The following SLC12A3 variants were observed in gnomAD, a reference collection of about 807,000 sequenced individuals.
SLC12A3 encodes Na-Cl cotransporter.
In SLC12A3, 104 loss-of-function variants were observed where a neutral mutation model predicts 121.0. The ratio of observed to expected loss-of-function variants is 0.86; its 90% CI spans 0.73 to 1.01. The LOEUF is 1.01. Ranked by LOEUF, SLC12A3 falls within the 50% of genes least tolerant of loss-of-function variation. SLC12A3 has a pLI of 0.00. For missense variants in SLC12A3, 1,328 were observed against 1,356.3 expected (o/e 0.98, Z 0.33); for synonymous variants, 536 against 533.4 (o/e 1.00, Z -0.07).
chr16:56,876,469 C>A (rs565714258), intron 8 of SLC12A3, among the ~76,000 whole-genome samples: 2 of 152,310 alleles, frequency 1.3e-5, no homozygotes, highest in East Asian at 3.9e-4. Flanking sequence ...CAGGTCCATG[C>A]CTGCAGGGGC....
chr16:56,892,166 T>G, intron 20 of SLC12A3, 33 bp downstream of exon 20: 7 of 1,610,386 alleles, frequency 4.3e-6, no homozygotes, highest in Non-Finnish European at 5.9e-6. Context: ...CGCTTGTCAG[T>G]GTTCCCACTC....
rs1296703170 is a variant in SLC12A3 at position 56,914,601 on chromosome 16, G to C, written c.*1196G>C. On this transcript the variant is annotated 3_prime_UTR_variant, in exon 26 of 26. Transcript: ENST00000563236. ...GCTGAGCTGGGGAAAGGCCACGGCT[G>C]GGTGTCATTGCCATTTTCCCAGCTC... is the stretch of plus-strand genomic sequence containing the variant. 2 of 152,234 alleles carry C rather than the reference G, an allele frequency of 1.3e-5. No homozygotes were observed. Among genetic ancestry groups the C allele is most frequent in the Admixed American group, 1.3e-4 (2 of 15,276 alleles). 9.4% of individuals were successfully genotyped at this position (152,234 alleles called of 1,614,324 possible). A position where few individuals can be genotyped will look rare whatever the true frequency, so the allele number is the denominator to read the frequency against.
chr16:56,909,701 T>G (rs1231901144), intron 25 of SLC12A3, among the ~76,000 whole-genome samples: 1 of 152,028 alleles, frequency 6.6e-6, no homozygotes, highest in Non-Finnish European at 1.5e-5. Context: ...GAGGGTCCGC[T>G]TCATCAGAAC....
At position 56,887,106 on chromosome 16, in the gene SLC12A3, G is replaced by A; in HGVS notation, c.2178+13G>A. The A allele has an allele frequency of 6.2e-7, 1 of 1,613,746 alleles. No individual in the cohort carries two copies. The highest frequency in any genetic ancestry group is 1.1e-5 in the South Asian group (1 of 91,062). On this transcript the variant is annotated intron_variant, in intron 17 of 25. Coordinates refer to ENST00000563236, the MANE Select transcript of SLC12A3 (RefSeq NM_001126108.2). ...GATCCTCATGCAGGTGCCATGGACT[G>A]GGGGCTCCCCTACAGGACTTACGGC...
chr16:56,875,709 A>G (rs971280359), intron 8 of SLC12A3, among the ~76,000 whole-genome samples: 1 of 152,066 alleles, frequency 6.6e-6, no homozygotes, highest in East Asian at 2.0e-4. Flanking sequence ...ACTGAGGCTC[A>G]GGGATGTTAA....
At position 56,868,212 on chromosome 16, in the gene SLC12A3, T is replaced by C. The variant is rs1964403742; in HGVS notation, c.430-85T>C. 20 of 1,296,568 alleles carry C rather than the reference T, an allele frequency of 1.5e-5. 1 individual carries two copies. Among genetic ancestry groups the C allele is most frequent in the Middle Eastern group, 2.1e-4 (1 of 4,762 alleles). 80.3% of individuals were successfully genotyped at this position (1,296,568 alleles called of 1,614,324 possible). On this transcript the variant is annotated intron_variant, in intron 2 of 25. Coordinates refer to ENST00000563236, the MANE Select transcript of SLC12A3 (RefSeq NM_001126108.2). ...GTGTCCCTAGGGCCTAGGTGCTCGA[T>C]ACCCTGCCATAGCAAGGGACAGGGA... is the stretch of plus-strand genomic sequence containing the variant.
chr16:56,877,223 C>G (rs894447060), intron 8 of SLC12A3, among the ~76,000 whole-genome samples: 1 of 152,042 alleles, frequency 6.6e-6, no homozygotes, highest in African/African-American at 2.4e-5. Context: ...GAAACCCCGT[C>G]TCTACTAAAA....
chr16:56,895,768 G>A (rs13338222), intron 22 of SLC12A3, among the ~76,000 whole-genome samples: 1 of 151,744 alleles, frequency 6.6e-6, no homozygotes, highest in South Asian at 2.1e-4. Context: ...TGATTACATG[G>A]TAACATATAA....
At chr16:56,900,859 T>C (rs146395727) in intron 23 of SLC12A3, among the ~76,000 whole-genome samples, 3 of 152,212 alleles carry the variant, frequency 2.0e-5, no homozygotes, top group South Asian at 2.1e-4. Context: ...ATCCCCTCCA[T>C]TGACCTTTCA....
intron 19 of SLC12A3, 108 bp from the exon 20 acceptor site, chr16:56,891,975 G>A: frequency 1.2e-6 from 1 of 840,358 alleles, no homozygotes; most frequent in Non-Finnish European, 2.1e-6. Context: ...GAGGCCAGGT[G>A]GGGCATCGGG....
intron 8 of SLC12A3, among the ~76,000 whole-genome samples, chr16:56,874,215 A>G (rs2055138809): frequency 6.6e-6 from 1 of 152,236 alleles, no homozygotes; most frequent in Admixed American, 6.5e-5. Flanking sequence ...TTGTTGACTG[A>G]ATCATGGTGA....
At chr16:56,881,445 G>A (rs55779455) in intron 12 of SLC12A3, among the ~76,000 whole-genome samples, 7 of 112,530 alleles carry the variant, frequency 6.2e-5, no homozygotes, top group African/African-American at 1.9e-4. Context: ...CCTTTCATCT[G>A]GGGGGGGGTC....
At chr16:56,895,365 T>G (rs1349951525) in intron 22 of SLC12A3, among the ~76,000 whole-genome samples, 1 of 150,806 alleles carries the variant, frequency 6.6e-6, no homozygotes, top group Non-Finnish European at 1.5e-5. Context: ...ATAGTTTTTT[T>G]GTATTTTTAG....
At chr16:56,879,777 A>T in intron 11 of SLC12A3, 128 bp downstream of exon 11, 1 of 731,536 alleles carries the variant, frequency 1.4e-6, no homozygotes, top group Non-Finnish European at 2.4e-6. Flanking sequence ...CTCTAGCCAG[A>T]AGGGAAAAGG....
At chr16:56,873,374 C>CTTTTTTTTTTTTT (rs59478629) in intron 8 of SLC12A3, among the ~76,000 whole-genome samples, 2 of 75,372 alleles carry the variant, frequency 2.7e-5, no homozygotes, top group African/African-American at 5.3e-5. Context: ...CTCTTTCTTT[C>CTTTTTTTTTTTTT]TTTTTTTTTT....
chr16:56,885,986 C>T (rs2055305625), intron 15 of SLC12A3, among the ~76,000 whole-genome samples: 1 of 152,206 alleles, frequency 6.6e-6, no homozygotes, highest in Non-Finnish European at 1.5e-5. Context: ...TGACCACTGC[C>T]CTCTGCTACC....
intron 25 of SLC12A3, among the ~76,000 whole-genome samples, chr16:56,910,212 C>T (rs1396663706): frequency 1.3e-5 from 2 of 152,192 alleles, no homozygotes; most frequent in Admixed American, 1.3e-4. Context: ...CTCACTCTGT[C>T]ACCCAGGCTG....
chr16:56,884,934 C>G (rs986670012), intron 14 of SLC12A3, among the ~76,000 whole-genome samples: 3 of 152,038 alleles, frequency 2.0e-5, no homozygotes, highest in African/African-American at 7.2e-5. Flanking sequence ...ACCTGGCTAA[C>G]TTTTGTATTT....
At chr16:56,873,370 CTTTCTT>C (rs1167826391) in intron 8 of SLC12A3, among the ~76,000 whole-genome samples, 12 of 96,940 alleles carry the variant, frequency 1.2e-4, no homozygotes, top group African/African-American at 4.3e-4. Context: ...GTTTCTCTTT[CTTTCTT>C]TTTTTTTTTT....
Sources: allele counts gnomAD v4.1 joint callset (sites outside exome capture counted in the v4.1 genomes callset), GRCh38; gene constraint gnomAD v4.1.1; transcripts MANE v1.5; gene names NCBI Gene and HGNC (gene_info 2026-07-23, HGNC 2026-07-21).